PREX2: variants seen among roughly 807,000 people sequenced by gnomAD.
PREX2 encodes phosphatidylinositol-3,4,5-trisphosphate dependent Rac exchange factor 2.
PREX2 carries 107 observed loss-of-function variants against 203.2 expected under a neutral mutation model. That is an observed-to-expected ratio of 0.53 (90% CI 0.45 to 0.62). PREX2 has a LOEUF of 0.62. Among genes scored for constraint, PREX2 ranks in the 20% least tolerant of loss-of-function variants. The pLI is 0.00. For missense variants in PREX2, 1,777 were observed against 1,955.9 expected, an observed-to-expected ratio of 0.91 and a Z score of 1.72; for synonymous variants, 672 against 663.6, an observed-to-expected ratio of 1.01 and a Z score of -0.19.
At chr8:68,173,070 A>T (rs1389049039) in intron 35 of PREX2, among the ~76,000 whole-genome samples, 1 of 152,138 alleles carries the variant, frequency 6.6e-6, no homozygotes, top group African/African-American at 2.4e-5. Context: ...TATTTGTCTG[A>T]CTTCCTCAAT....
intron 6 of PREX2, among the ~76,000 whole-genome samples, chr8:68,033,408 A>G (rs1807942627): frequency 6.6e-6 from 1 of 152,170 alleles, no homozygotes; most frequent in East Asian, 1.9e-4. Context: ...ATGAAGTGGT[A>G]TTTTAAAGCT....
At chr8:67,978,145 C>A (rs532549478) in intron 1 of PREX2, among the ~76,000 whole-genome samples, 1 of 152,276 alleles carries the variant, frequency 6.6e-6, no homozygotes, top group Non-Finnish European at 1.5e-5. Context: ...TATCTGTCCA[C>A]CTGGTGTCCA....
At chr8:68,090,319 G>A (rs1258421880) in intron 19 of PREX2, among the ~76,000 whole-genome samples, 1 of 152,156 alleles carries the variant, frequency 6.6e-6, no homozygotes, top group Non-Finnish European at 1.5e-5. Flanking sequence ...GAACTGATTA[G>A]TATTATAAAG....
chr8:68,015,853 A>C (rs1184845684), intron 1 of PREX2, among the ~76,000 whole-genome samples: 1 of 152,232 alleles, frequency 6.6e-6, no homozygotes, highest in African/African-American at 2.4e-5. Flanking sequence ...TTCACCAATT[A>C]TCCTTAACTT....
intron 1 of PREX2, among the ~76,000 whole-genome samples, chr8:67,989,903 A>G (rs2129609445): frequency 6.6e-6 from 1 of 152,370 alleles, no homozygotes; most frequent in East Asian, 1.9e-4. Flanking sequence ...GTTTACAAAC[A>G]AAATATTTTC....
chr8:68,151,823 G>A (rs573924648), intron 34 of PREX2, among the ~76,000 whole-genome samples: 1 of 149,756 alleles, frequency 6.7e-6, no homozygotes, highest in East Asian at 2.0e-4. Flanking sequence ...CCACCCCTAA[G>A]TCTTACCTCT....
chr8:68,141,050 CAA>C (rs1236879908), intron 33 of PREX2, among the ~76,000 whole-genome samples: 1 of 152,048 alleles, frequency 6.6e-6, no homozygotes, highest in Non-Finnish European at 1.5e-5. Context: ...GCAAATTAAA[CAA>C]GGCTTTTTTG....
intron 1 of PREX2, among the ~76,000 whole-genome samples, chr8:67,972,410 G>A (rs554830682): frequency 1.3e-4 from 20 of 152,310 alleles, no homozygotes; most frequent in African/African-American, 4.3e-4. Flanking sequence ...TGTAAATTCT[G>A]TCCCAAAGCT....
Position 68,027,303 on chromosome 8 carries a change from A to G in PREX2, c.523A>G (p.Lys175Glu), listed in dbSNP as rs1419345798. ...YLVTPIQRIC[K>E]YPLILKELLK... ...AGTAACACCAATACAAAGAATATGC[A>G]AGTACCCTCTTATTTTGAAGGTATT... The change falls in exon 5 of 40, where the codon AAG becomes GAG. Residue 175 changes from lysine (K) to glutamate (E), a missense_variant. Lys to Glu is a moderately conservative substitution (Grantham distance 56). Transcript: ENST00000288368. The G allele has an allele frequency of 6.2e-7, 1 of 1,602,226 alleles. No homozygotes were observed.
At chr8:68,102,840 CAT>C (rs1349740781) in intron 23 of PREX2, 1 of 518,410 alleles carries the variant, frequency 1.9e-6, no homozygotes, top group East Asian at 5.5e-5. Context: ...TTTTTTGGCA[CAT>C]GTGTGAAACC....
chr8:68,142,124 G>A, intron 33 of PREX2, among the ~76,000 whole-genome samples: 1 of 152,070 alleles, frequency 6.6e-6, no homozygotes, highest in Non-Finnish European at 1.5e-5. Context: ...ACCTATATTA[G>A]CACATCAAAA....
At chr8:68,045,345 T>C (rs117601444) in intron 8 of PREX2, among the ~76,000 whole-genome samples, 1,639 of 152,232 alleles carry the variant, frequency 0.011, 5 homozygotes, top group Non-Finnish European at 0.016. Flanking sequence ...TGAAATGCAG[T>C]ATACTAACTG....
intron 23 of PREX2, chr8:68,102,902 C>G (rs2129612648): frequency 8.5e-5 from 44 of 517,900 alleles, no homozygotes; most frequent in South Asian, 6.0e-4. Context: ...AGATGTTTTT[C>G]TCTGTGGAGC....
intron 6 of PREX2, among the ~76,000 whole-genome samples, chr8:68,032,233 C>A (rs1004805463): frequency 1.3e-5 from 2 of 152,096 alleles, no homozygotes; most frequent in African/African-American, 4.8e-5. Flanking sequence ...TTAAGGAATT[C>A]TGTTGTGTAT....
At chr8:68,181,889 T>C (rs1430232176) in intron 35 of PREX2, among the ~76,000 whole-genome samples, 1 of 152,104 alleles carries the variant, frequency 6.6e-6, no homozygotes, top group Non-Finnish European at 1.5e-5. Flanking sequence ...AAGGTACTTA[T>C]GGTTTAGTGG....
intron 26 of PREX2, among the ~76,000 whole-genome samples, chr8:68,116,344 GTT>G (rs1810659243): frequency 6.6e-6 from 1 of 152,058 alleles, no homozygotes; most frequent in Non-Finnish European, 1.5e-5. Context: ...CATTGTCTAT[GTT>G]CCAACCTAAT....
At chr8:68,199,873 T>C (rs1812469416) in intron 37 of PREX2, among the ~76,000 whole-genome samples, 1 of 152,206 alleles carries the variant, frequency 6.6e-6, no homozygotes, top group Non-Finnish European at 1.5e-5. Context: ...GTAACCTGTC[T>C]TAGGTAATCA....
intron 25 of PREX2, among the ~76,000 whole-genome samples, chr8:68,111,849 A>G (rs938755189): frequency 6.6e-6 from 1 of 152,130 alleles, no homozygotes; most frequent in African/African-American, 2.4e-5. Context: ...TATCTGAACA[A>G]TTTTCTCACC....
chr8:67,959,005 A>T (rs1446543047), intron 1 of PREX2, among the ~76,000 whole-genome samples: 2 of 152,250 alleles, frequency 1.3e-5, no homozygotes, highest in East Asian at 3.8e-4. Context: ...TTAACTAATC[A>T]TGTATTTTGA....
Sources: gnomAD v4.1 joint callset for allele counts (sites outside exome capture counted in the v4.1 genomes callset) on GRCh38, gnomAD v4.1.1 for gene constraint, MANE v1.5 for transcripts, NCBI Gene and HGNC (gene_info 2026-07-23, HGNC 2026-07-21) for gene names.